The following RBL1 variants were observed in gnomAD, a reference collection of about 807,000 sequenced individuals.
The protein encoded by RBL1 is retinoblastoma-like protein 1.
In RBL1, 82 loss-of-function variants were observed where a neutral mutation model predicts 123.0. The observed-to-expected ratio is 0.67, with a 90% CI of 0.56 to 0.80. RBL1 has a LOEUF of 0.80. RBL1 is among the 30% of genes least tolerant of loss of function. The probability of loss-of-function intolerance (pLI) is 0.00; values close to 1 mark genes in which losing one functional copy is unlikely to be tolerated. For synonymous variants in RBL1, 405 were observed against 441.3 expected (o/e 0.92, Z 1.03); for missense variants, 1,171 against 1,299.6 (o/e 0.90, Z 1.52).
intron 3 of RBL1, among the ~76,000 whole-genome samples, 197 bp downstream of exon 3, chr20:37,067,789 A>AC (rs1379059444): frequency 1.3e-4 from 20 of 150,814 alleles, no homozygotes; most frequent in African/African-American, 4.1e-4. Flanking sequence ...AAAAAAAAAA[A>AC]AACAACAACA....
intron 12 of RBL1, among the ~76,000 whole-genome samples, chr20:37,046,743 A>C (rs2064824090): frequency 6.6e-6 from 1 of 151,468 alleles, no homozygotes; most frequent in Admixed American, 6.6e-5. Context: ...CAAGCAGCTG[A>C]GATTACAGGT....
In RBL1 at chr20:36,996,561, G is replaced by A. The variant is rs2063891763; in HGVS notation, c.*2198C>T. On this transcript the variant is annotated 3_prime_UTR_variant, in exon 22 of 22. Transcript: ENST00000373664. ...AGTCTCAAGTGATCCTCTCATGTCA[G>A]TCTCCTGAGTAGCTGGGACTACAGG... is the stretch of plus-strand genomic sequence containing the variant. 6.6e-6 allele frequency: 1 copy of A among 152,248 alleles called. No homozygotes were observed. The highest frequency in any genetic ancestry group is 6.6e-5 in the Admixed American group (1 of 15,264). The allele number at this position is 152,248 out of a possible 1,614,324, so 9.4% of individuals were successfully genotyped here. A position where few individuals can be genotyped will look rare whatever the true frequency, so the allele number is the denominator to read the frequency against.
At chr20:37,095,353 C>A (rs540493000) in intron 1 of RBL1, among the ~76,000 whole-genome samples, 1 of 152,174 alleles carries the variant, frequency 6.6e-6, no homozygotes, top group Non-Finnish European at 1.5e-5. Flanking sequence ...CTTCCTCTTG[C>A]GTGAAATGGG....
At chr20:37,072,675 A>T (rs1049364962) in intron 2 of RBL1, among the ~76,000 whole-genome samples, 1 of 152,110 alleles carries the variant, frequency 6.6e-6, no homozygotes, top group Non-Finnish European at 1.5e-5. Context: ...TCTGCTTGAG[A>T]TTTTGAATCT....
At chr20:37,008,732 C>T (rs2064111182) in intron 19 of RBL1, among the ~76,000 whole-genome samples, 1 of 152,094 alleles carries the variant, frequency 6.6e-6, no homozygotes, top group South Asian at 2.1e-4. Flanking sequence ...CTTAGGAAAA[C>T]CAGAAAACAC....
chr20:36,999,838 G>A (rs188162475), intron 21 of RBL1, among the ~76,000 whole-genome samples: 11,987 of 151,204 alleles, frequency 0.079, 482 homozygotes, highest in African/African-American at 0.19. Context: ...ATCTCGGCTC[G>A]CTACAACCTC....
At chr20:37,090,456 T>C (rs1436470692) in intron 1 of RBL1, among the ~76,000 whole-genome samples, 2 of 152,248 alleles carry the variant, frequency 1.3e-5, no homozygotes, top group African/African-American at 2.4e-5. Context: ...GTTTTTGCTT[T>C]ATGTTTCTCT....
intron 13 of RBL1, 126 bp from the exon 14 acceptor site, chr20:37,040,411 G>A (rs2064703104): frequency 3.6e-6 from 5 of 1,376,240 alleles, no homozygotes; most frequent in Non-Finnish European, 4.8e-6. Context: ...GAATGCAGTG[G>A]CACGATTTCA....
chr20:37,023,949 T>G (rs564019455), intron 16 of RBL1, among the ~76,000 whole-genome samples: 103 of 151,816 alleles, frequency 6.8e-4, no homozygotes, highest in African/African-American at 2.4e-3. Flanking sequence ...GGCTAATTTT[T>G]TTTTTTTTGT....
At chr20:37,000,887 G>A (rs2063964213) in intron 21 of RBL1, among the ~76,000 whole-genome samples, 1 of 144,470 alleles carries the variant, frequency 6.9e-6, no homozygotes, top group Non-Finnish European at 1.5e-5. Flanking sequence ...GCCCCGTCCA[G>A]GAGGGAGGTG....
At chr20:37,077,062 G>A (rs2065375622) in intron 2 of RBL1, among the ~76,000 whole-genome samples, 2 of 151,000 alleles carry the variant, frequency 1.3e-5, no homozygotes, top group South Asian at 4.2e-4. Context: ...TCAGCCTCCC[G>A]AATAGCTGGG....
intron 13 of RBL1, among the ~76,000 whole-genome samples, chr20:37,043,162 G>GCACACA (rs147834827): frequency 0.012 from 1,709 of 147,894 alleles, 23 homozygotes; most frequent in African/African-American, 0.029. Flanking sequence ...ATGCGCGCGT[G>GCACACA]CACACACACA....
At chr20:37,093,643 C>T (rs1029582586) in intron 1 of RBL1, among the ~76,000 whole-genome samples, 29 of 150,950 alleles carry the variant, frequency 1.9e-4, no homozygotes, top group Admixed American at 6.6e-4. Context: ...CTGTTTCTTT[C>T]CATTTTTTTT....
chr20:37,048,297 C>A (rs189424005), intron 11 of RBL1, among the ~76,000 whole-genome samples: 2 of 152,282 alleles, frequency 1.3e-5, no homozygotes, highest in East Asian at 3.9e-4. Flanking sequence ...ACACAACCCC[C>A]ACTCTATGGG....
At chr20:37,066,619 T>C (rs1343458486) in intron 6 of RBL1, 105 bp downstream of exon 6, 6 of 1,044,242 alleles carry the variant, frequency 5.7e-6, no homozygotes, top group African/African-American at 1.6e-5. Flanking sequence ...CTGGGAATCC[T>C]GACCCTAAGT....
intron 21 of RBL1, among the ~76,000 whole-genome samples, chr20:36,999,686 G>A (rs2063934528): frequency 6.6e-6 from 1 of 152,224 alleles, no homozygotes; most frequent in Non-Finnish European, 1.5e-5. Flanking sequence ...TGGAGATGGG[G>A]TTTCGCTGTG....
chr20:37,072,237 G>C (rs1407423331), intron 2 of RBL1, among the ~76,000 whole-genome samples: 1 of 152,216 alleles, frequency 6.6e-6, no homozygotes, highest in Non-Finnish European at 1.5e-5. Context: ...GGGAGTCCGA[G>C]GCAGGTGGAC....
At chr20:37,011,299 A>G (rs1056981625) in intron 19 of RBL1, among the ~76,000 whole-genome samples, 4 of 152,182 alleles carry the variant, frequency 2.6e-5, no homozygotes, top group African/African-American at 9.7e-5. Context: ...CTAACATGAC[A>G]TTGAAGAATT....
At position 37,061,095 on chromosome 20, in the gene RBL1, G is replaced by C; in HGVS notation, c.1250+8C>G. 1 of 1,596,130 alleles carries C rather than the reference G, an allele frequency of 6.3e-7. No homozygotes were observed. Among genetic ancestry groups the C allele is most frequent in the Non-Finnish European group, 8.6e-7 (1 of 1,169,256 alleles). On this transcript the variant is annotated splice_region_variant and intron_variant, in intron 9 of 21. Transcript: ENST00000373664. ...AGACATTTGGAAAAATAACAGTATT[G>C]TACATACTCAAAAATATTTATAAGT...
Sources: gnomAD v4.1 joint callset for allele counts (sites outside exome capture counted in the v4.1 genomes callset) on GRCh38, gnomAD v4.1.1 for gene constraint, MANE v1.5 for transcripts, NCBI Gene and HGNC (gene_info 2026-07-23, HGNC 2026-07-21) for gene names.